GINS4: variants seen among roughly 807,000 people sequenced by gnomAD.
GINS4 encodes the protein DNA replication complex GINS protein SLD5.
Under a neutral mutation model 31.1 loss-of-function variants are expected in GINS4, and 20 were observed. That is an observed-to-expected ratio of 0.64 (90% confidence interval 0.45 to 0.93). The LOEUF (loss-of-function observed/expected upper bound fraction) is 0.93, where lower values mean the gene tolerates loss of function less well. Among genes scored for constraint, GINS4 ranks in the 40% least tolerant of loss-of-function variants. The pLI is 0.00. For synonymous variants in GINS4, 85 were observed against 97.9 expected (o/e 0.87, Z 0.78); for missense variants, 245 against 273.9 (o/e 0.89, Z 0.75).
chr8:41,540,122 G>C (rs1806812164), intron 6 of GINS4, 118 bp downstream of exon 6: 2 of 749,748 alleles, frequency 2.7e-6, no homozygotes, highest in Admixed American at 2.6e-5. Flanking sequence ...TAAACAGAAA[G>C]AAGAGCAAGG....
At chr8:41,530,155 C>A in intron 1 of GINS4, 29 bp from the exon 2 acceptor site, 1 of 1,316,246 alleles carries the variant, frequency 7.6e-7, no homozygotes, top group Non-Finnish European at 1.1e-6. Context: ...AAACGCATTG[C>A]AGAGTATTGG....
Position 41,537,174 on chromosome 8 carries a change from T to C in GINS4, c.184-6T>C. 6.3e-7 allele frequency: 1 copy of C among 1,586,364 alleles called. No homozygotes were observed. The highest frequency in any genetic ancestry group is 1.3e-5 in the African/African-American group (1 of 74,512). ...TTTTTATAAACCTTAATTTCTCATT[T>C]AATAGGAAGAAAATCTCAGGAGAGC... On this transcript the variant is annotated splice_polypyrimidine_tract_variant and splice_region_variant and intron_variant, in intron 3 of 7. Coordinates refer to ENST00000276533, the MANE Select transcript of GINS4 (RefSeq NM_032336.3).
rs866776929 is a variant in GINS4 at position 41,539,179 on chromosome 8, G to A, written c.298-499G>A. Among the ~76,000 whole-genome samples, 64 of 151,608 alleles carry A rather than the reference G, an allele frequency of 4.2e-4. No individual in the cohort carries two copies. The Middle Eastern group carries it at 0.014, about 32-fold the overall frequency. ...TACTAAAAATACAAAAATCATCTGG[G>A]TGTGGTGGTGGGTGCCTGTAATCCC... On this transcript the variant is annotated intron_variant, in intron 4 of 7. Coordinates refer to ENST00000276533, the MANE Select transcript of GINS4 (RefSeq NM_032336.3).
In GINS4 at chr8:41,542,655, A is replaced by G. The variant is rs962060707; in HGVS notation, c.*568A>G. 2 of 155,474 alleles carry G rather than the reference A, an allele frequency of 1.3e-5. No individual in the cohort carries two copies. The highest frequency in any genetic ancestry group is 4.8e-5 in the African/African-American group (2 of 41,474). The allele number at this position is 155,474 out of a possible 1,614,324, so 9.6% of individuals were successfully genotyped here. A position where few individuals can be genotyped will look rare whatever the true frequency, so the allele number is the denominator to read the frequency against. On this transcript the variant is annotated 3_prime_UTR_variant, in exon 8 of 8. Transcript: ENST00000276533. Reference sequence around the variant, plus strand: ...GAGCGAGACTCCATTTCCAAAAAAAACACACTAGGCGTAAACAAGAATGAA... The same window carrying G: ...GAGCGAGACTCCATTTCCAAAAAAAGCACACTAGGCGTAAACAAGAATGAA...
At chr8:41,534,069 A>G (rs10096250) in intron 2 of GINS4, 111,369 of 163,032 alleles carry the variant, frequency 0.68, 38,484 homozygotes, top group African/African-American at 0.74. Context: ...GGGCGGACAC[A>G]CTTCAGCCCG....
intron 2 of GINS4, 78 bp from the exon 3 acceptor site, chr8:41,536,282 G>A (rs1035935863): frequency 2.5e-5 from 22 of 868,552 alleles, no homozygotes; most frequent in African/African-American, 9.9e-5. Flanking sequence ...CCTGGTTTTC[G>A]TTGGACTTGG....
rs1314349465 is a variant in GINS4, at chr8:41,543,526, T to C, written c.*1439T>C. ...CAGTGATGCCGGAAGGAAGGATGTA[T>C]AGGCAGTGAATGAATGATCTTTCCT... On this transcript the variant is annotated 3_prime_UTR_variant, in exon 8 of 8. Transcript: ENST00000276533. 1.3e-5 allele frequency: 2 copies of C among 152,188 alleles called. No homozygotes were observed. The highest frequency in any genetic ancestry group is 1.5e-5 in the Non-Finnish European group (1 of 68,044). 9.4% of individuals were successfully genotyped at this position (152,188 alleles called of 1,614,324 possible). A position where few individuals can be genotyped will look rare whatever the true frequency, so the allele number is the denominator to read the frequency against.
chr8:41,529,391 C>T lies in GINS4; in HGVS notation c.-25C>T, dbSNP rs1806617337. On this transcript the variant is annotated 5_prime_UTR_variant, in exon 1 of 8. Transcript: ENST00000276533. The stretch of plus-strand genomic sequence containing the variant: ...TGGAGTGCCTCGCTGTCTCCCAGGT[C>T]CCCGAGTGAGCGTCGAATGGGACCT... 1.3e-5 allele frequency: 2 copies of T among 152,422 alleles called. No homozygotes were observed. The highest frequency in any genetic ancestry group is 6.5e-5 in the Admixed American group (1 of 15,274). 9.4% of individuals were successfully genotyped at this position (152,422 alleles called of 1,614,324 possible). A position where few individuals can be genotyped will look rare whatever the true frequency, so the allele number is the denominator to read the frequency against.
In GINS4 at chr8:41,536,360, G is replaced by C; in HGVS notation, c.97G>C (p.Ala33Pro). 1 of 1,597,302 alleles carries C rather than the reference G, an allele frequency of 6.3e-7. No individual in the cohort carries two copies. Among genetic ancestry groups the C allele is most frequent in the Non-Finnish European group, 8.6e-7 (1 of 1,164,774 alleles). ...GCTTTTTCTGGCATTTGTCTTTTAG[G>C]CCTGGATGAATGAAAAGTTTGCCCC... ...PAELIERLEQ[A>P]WMNEKFAPEL... The change falls in exon 3 of 8, where the codon GCC becomes CCC. Residue 33 changes from alanine (A) to proline (P), a missense_variant and splice_region_variant. Ala to Pro is a conservative substitution (Grantham distance 27, BLOSUM62 -1). Coordinates refer to ENST00000276533, the MANE Select transcript of GINS4 (RefSeq NM_032336.3).
rs1424304119 is a variant in GINS4 at position 41,542,994 on chromosome 8, C to T, written c.*907C>T. The stretch of plus-strand genomic sequence containing the variant: ...CAGGCAGAAGTAGTTCATAAGAAGG[C>T]ATCACTGCCTGTGATCGGGGCTGCA... On this transcript the variant is annotated 3_prime_UTR_variant, in exon 8 of 8. Transcript: ENST00000276533. 6.6e-6 allele frequency: 1 copy of T among 152,218 alleles called. No homozygotes were observed. Among genetic ancestry groups the T allele is most frequent in the Non-Finnish European group, 1.5e-5 (1 of 68,048 alleles). 9.4% of individuals were successfully genotyped at this position (152,218 alleles called of 1,614,324 possible).
Position 41,542,105 on chromosome 8 carries a change from C to T in GINS4, c.*18C>T. 6.3e-7 allele frequency: 1 copy of T among 1,586,270 alleles called. No homozygotes were observed. On this transcript the variant is annotated 3_prime_UTR_variant, in exon 8 of 8. Transcript: ENST00000276533. ...TAATTTAAAACTAGGCATAAACAGC[C>T]AGGCATGGTGACTCAAGCCTGTAAT...
At chr8:41,537,341 T>C in intron 4 of GINS4, 48 bp downstream of exon 4, 1 of 1,354,268 alleles carries the variant, frequency 7.4e-7, no homozygotes, top group South Asian at 1.2e-5. Context: ...CAGTCTGTAA[T>C]GCAGACTGAA....
intron 4 of GINS4, chr8:41,537,574 A>G (rs1806764415): frequency 1.3e-5 from 4 of 311,840 alleles, no homozygotes; most frequent in Non-Finnish European, 2.4e-5. Flanking sequence ...GGCAGTGCTA[A>G]AGGGAGAGTT....
chr8:41,541,777 AT>A, intron 6 of GINS4, 31 bp from the exon 7 acceptor site: 2 of 1,569,586 alleles, frequency 1.3e-6, no homozygotes, highest in Non-Finnish European at 1.8e-6. Context: ...TTGGCCGAGG[AT>A]TTCCTAATCA....
intron 2 of GINS4, among the ~76,000 whole-genome samples, chr8:41,534,627 G>A (rs1196343666): frequency 6.6e-6 from 1 of 152,162 alleles, no homozygotes; most frequent in Non-Finnish European, 1.5e-5. Context: ...GTCATGAACA[G>A]GTTGAGAGGT....
rs1283811700 is a variant in GINS4, at chr8:41,544,312, C to T, written c.*2225C>T. On this transcript the variant is annotated 3_prime_UTR_variant, in exon 8 of 8. Transcript: ENST00000276533. ...CTTGTTAATAAGGATCCCATTTGGT[C>T]CCCCACAGTCCTGAGAAGCGGGCAG... 6.6e-6 allele frequency: 1 copy of T among 152,210 alleles called. No homozygotes were observed. The highest frequency in any genetic ancestry group is 1.5e-5 in the Non-Finnish European group (1 of 68,050). 9.4% of individuals were successfully genotyped at this position (152,210 alleles called of 1,614,324 possible).
Position 41,530,887 on chromosome 8 carries a change from A to G in GINS4, c.96+589A>G, listed in dbSNP as rs192968274. On this transcript the variant is annotated intron_variant, in intron 2 of 7. Transcript: ENST00000276533. Reference sequence around the variant, plus strand: ...TGCTCTGGTAACAGGAGTTCAGACTATCTGGATTTAAATCTGTCTGTGACA... The same window carrying G: ...TGCTCTGGTAACAGGAGTTCAGACTGTCTGGATTTAAATCTGTCTGTGACA... 1.3e-4 allele frequency among the ~76,000 whole-genome samples: 20 copies of G among 152,308 alleles called. No individual in the cohort carries two copies. The East Asian group carries it at 3.9e-3, about 29-fold the overall frequency.
In GINS4 at chr8:41,540,045, C is replaced by G. The variant is rs757840606; in HGVS notation, c.484+41C>G. The G allele has an allele frequency of 6.0e-6, 8 of 1,333,656 alleles. No homozygotes were observed. In the South Asian group the frequency reaches 9.4e-5, roughly 16 times the overall value. The allele number at this position is 1,333,656 out of a possible 1,614,324, so 82.6% of individuals were successfully genotyped here. A position where few individuals can be genotyped will look rare whatever the true frequency, so the allele number is the denominator to read the frequency against. ...TCCCTGCAGGTGGCCCACCCATCCT[C>G]AGGTGTCCCAGGGTAGGATCCTCTC... On this transcript the variant is annotated intron_variant, in intron 6 of 7. Coordinates refer to ENST00000276533, the MANE Select transcript of GINS4 (RefSeq NM_032336.3).
chr8:41,540,572 C>T (rs946373895), intron 6 of GINS4, among the ~76,000 whole-genome samples: 3 of 152,300 alleles, frequency 2.0e-5, no homozygotes, highest in Middle Eastern at 3.4e-3. Context: ...TCGCACCAGC[C>T]CCTGAGGGCT....
Sources: allele counts gnomAD v4.1 joint callset (sites outside exome capture counted in the v4.1 genomes callset), GRCh38; gene constraint gnomAD v4.1.1; transcripts MANE v1.5; gene names NCBI Gene and HGNC (gene_info 2026-07-23, HGNC 2026-07-21).